Variants in PDE3A observed in about 807,000 individuals in gnomAD.
The protein encoded by PDE3A is cGMP-inhibited 3',5'-cyclic phosphodiesterase 3A.
In PDE3A, 43 loss-of-function variants were observed where a neutral mutation model predicts 98.3. The ratio of observed to expected loss-of-function variants is 0.44; its 90% CI spans 0.34 to 0.56. The LOEUF (loss-of-function observed/expected upper bound fraction) is 0.56. Among genes scored for constraint, PDE3A ranks in the 20% least tolerant of loss-of-function variants. The pLI is 0.01. For missense variants in PDE3A, 1,427 were observed against 1,440.7 expected, an observed-to-expected ratio of 0.99 and a Z score of 0.15; for synonymous variants, 663 against 567.9, an observed-to-expected ratio of 1.17 and a Z score of -2.38.
At chr12:20,433,401 A>G (rs1456726910) in intron 1 of PDE3A, among the ~76,000 whole-genome samples, 2 of 152,160 alleles carry the variant, frequency 1.3e-5, no homozygotes, top group Admixed American at 1.3e-4. Context: ...TTTGAGATCT[A>G]TAGGATATGA....
rs146989298 is a variant in PDE3A, at chr12:20,674,278, T to C, written c.3185-5752T>C. ...ATCTACAAAGAGGGACAATTTGACT[T>C]CCTCTTTTCCAGTTTGGATGCCTGA... On this transcript the variant is annotated intron_variant, in intron 15 of 15. Transcript: ENST00000359062. Among the ~76,000 whole-genome samples the C allele has an allele frequency of 2.3e-3, 348 of 152,262 alleles. 3 individuals are homozygous for C. The highest frequency in any genetic ancestry group is 8.3e-3 in the African/African-American group (343 of 41,554).
At chr12:20,459,821 A>T (rs146351119) in intron 1 of PDE3A, among the ~76,000 whole-genome samples, 2 of 152,306 alleles carry the variant, frequency 1.3e-5, no homozygotes, top group Admixed American at 1.3e-4. Flanking sequence ...ATTGAATGAA[A>T]GGAATCAATT....
intron 2 of PDE3A, among the ~76,000 whole-genome samples, chr12:20,599,987 A>G (rs956758491): frequency 6.6e-6 from 1 of 151,940 alleles, no homozygotes; most frequent in African/African-American, 2.4e-5. Context: ...ACTGCTGACC[A>G]CTCCTTGCTT....
intron 1 of PDE3A, chr12:20,551,730 C>T (rs1942207208): frequency 1.2e-6 from 2 of 1,613,758 alleles, no homozygotes; most frequent in South Asian, 2.2e-5. Flanking sequence ...GGAATGATGC[C>T]AGCGAGGTGG....
intron 2 of PDE3A, among the ~76,000 whole-genome samples, chr12:20,590,143 A>G (rs1000737880): frequency 2.0e-5 from 3 of 152,042 alleles, no homozygotes; most frequent in Admixed American, 2.0e-4. Context: ...CCCGTGCTCC[A>G]AATGCATAAT....
intron 1 of PDE3A, among the ~76,000 whole-genome samples, chr12:20,481,853 C>T (rs1375297584): frequency 7.1e-6 from 1 of 140,646 alleles, no homozygotes; most frequent in Non-Finnish European, 1.5e-5. Context: ...CAAGCTCCGC[C>T]TCCCGTGTTC....
intron 1 of PDE3A, among the ~76,000 whole-genome samples, chr12:20,486,748 G>A (rs7313578): frequency 1.8e-4 from 27 of 152,118 alleles, no homozygotes; most frequent in South Asian, 8.3e-4. Context: ...ATTCTCATGC[G>A]TCAGCCTCCC....
At chr12:20,459,125 A>C (rs1272340438) in intron 1 of PDE3A, among the ~76,000 whole-genome samples, 1 of 152,182 alleles carries the variant, frequency 6.6e-6, no homozygotes, top group East Asian at 1.9e-4. Flanking sequence ...AAATTTGTAC[A>C]ATGTACATCT....
intron 2 of PDE3A, among the ~76,000 whole-genome samples, chr12:20,578,004 G>A (rs1313446368): frequency 6.6e-6 from 1 of 152,140 alleles, no homozygotes; most frequent in Non-Finnish European, 1.5e-5. Flanking sequence ...AGTCCTGTGA[G>A]AATTCCACTC....
At chr12:20,436,559 G>A (rs367600098) in intron 1 of PDE3A, among the ~76,000 whole-genome samples, 4 of 152,158 alleles carry the variant, frequency 2.6e-5, no homozygotes, top group African/African-American at 9.6e-5. Flanking sequence ...TATTTAGTGA[G>A]AGGAACTGGG....
intron 1 of PDE3A, among the ~76,000 whole-genome samples, chr12:20,463,168 C>T (rs1945283438): frequency 6.6e-6 from 1 of 152,080 alleles, no homozygotes; most frequent in Non-Finnish European, 1.5e-5. Context: ...GTAGCTATTG[C>T]CACCAATGAG....
intron 1 of PDE3A, among the ~76,000 whole-genome samples, chr12:20,540,191 G>T (rs1941858812): frequency 6.6e-6 from 1 of 152,086 alleles, no homozygotes; most frequent in Non-Finnish European, 1.5e-5. Flanking sequence ...CAGTTTCTCA[G>T]AGCCTCCACT....
At chr12:20,428,454 T>C (rs1198779897) in intron 1 of PDE3A, among the ~76,000 whole-genome samples, 2 of 152,000 alleles carry the variant, frequency 1.3e-5, no homozygotes, top group Non-Finnish European at 2.9e-5. Flanking sequence ...TAATTTTTTT[T>C]GTATTTTTAG....
chr12:20,520,467 C>A lies in PDE3A; in HGVS notation c.961-36193C>A, dbSNP rs188821142. Among the ~76,000 whole-genome samples the A allele has an allele frequency of 2.0e-5, 3 of 152,268 alleles. No individual in the cohort carries two copies. The East Asian group carries it at 5.8e-4, about 29-fold the overall frequency. Reference sequence around the variant, plus strand: ...CTGGTGCGTGCTGGCTATCAACCAACATAGGAGTAAAAATTCACCATGAGT... The same window carrying A: ...CTGGTGCGTGCTGGCTATCAACCAAAATAGGAGTAAAAATTCACCATGAGT... On this transcript the variant is annotated intron_variant, in intron 1 of 15. Coordinates refer to ENST00000359062, the MANE Select transcript of PDE3A (RefSeq NM_000921.5).
chr12:20,500,211 A>C (rs1235979808), intron 1 of PDE3A, among the ~76,000 whole-genome samples: 1 of 152,214 alleles, frequency 6.6e-6, no homozygotes, highest in Non-Finnish European at 1.5e-5. Flanking sequence ...GGAGACATTT[A>C]AGAGTTTTCC....
intron 1 of PDE3A, among the ~76,000 whole-genome samples, chr12:20,550,744 A>C (rs1273758364): frequency 6.6e-6 from 1 of 152,020 alleles, no homozygotes; most frequent in South Asian, 2.1e-4. Flanking sequence ...AGTAGCTTAA[A>C]ATTCATTAAA....
chr12:20,511,785 A>G (rs1448966558), intron 1 of PDE3A, among the ~76,000 whole-genome samples: 1 of 152,026 alleles, frequency 6.6e-6, no homozygotes, highest in Non-Finnish European at 1.5e-5. Context: ...GCAAAGAGAA[A>G]GAGAGACTGC....
At chr12:20,386,169 A>G (rs1943790609) in intron 1 of PDE3A, among the ~76,000 whole-genome samples, 2 of 100,288 alleles carry the variant, frequency 2.0e-5, no homozygotes, top group East Asian at 5.2e-4. Flanking sequence ...ATATAAATAT[A>G]TAAAAATATA....
intron 1 of PDE3A, among the ~76,000 whole-genome samples, chr12:20,408,073 A>T (rs1017929797): frequency 1.3e-5 from 2 of 152,036 alleles, no homozygotes; most frequent in African/African-American, 2.4e-5. Context: ...GGTGCGCGCC[A>T]CCACGCCCAG....
Sources: gnomAD v4.1 joint callset for allele counts (sites outside exome capture counted in the v4.1 genomes callset) on GRCh38, gnomAD v4.1.1 for gene constraint, MANE v1.5 for transcripts, NCBI Gene and HGNC (gene_info 2026-07-23, HGNC 2026-07-21) for gene names.